Variants in NIPAL3 observed in about 807,000 individuals in gnomAD.
The protein encoded by NIPAL3 is NIPA-like protein 3.
A neutral mutation model predicts 47.2 loss-of-function variants in NIPAL3; 41 were observed. That is an observed-to-expected ratio of 0.87 (90% CI 0.68 to 1.13). The LOEUF (loss-of-function observed/expected upper bound fraction) is 1.13. Ranked by LOEUF, NIPAL3 falls within the 50% of genes most tolerant of loss-of-function variation. The pLI, the probability that NIPAL3 is intolerant of heterozygous loss-of-function variation, is 0.00. For synonymous variants in NIPAL3, 194 were observed against 209.6 expected, an observed-to-expected ratio of 0.93 and a Z score of 0.64; for missense variants, 449 against 530.1, an observed-to-expected ratio of 0.85 and a Z score of 1.50.
At chr1:24,457,278 G>A (rs993361405) in intron 8 of NIPAL3, among the ~76,000 whole-genome samples, 1 of 152,226 alleles carries the variant, frequency 6.6e-6, no homozygotes, top group Non-Finnish European at 1.5e-5. Flanking sequence ...TAAGCATGAA[G>A]TTAAATAAAA....
chr1:24,463,873 A>G (rs1570384773), intron 10 of NIPAL3, among the ~76,000 whole-genome samples, 153 bp from the exon 11 acceptor site: 1 of 152,044 alleles, frequency 6.6e-6, no homozygotes, highest in Admixed American at 6.5e-5. Context: ...ATCCCCTGAG[A>G]GGCTGGCAGC....
At chr1:24,418,622 T>C (rs878752) in intron 1 of NIPAL3, among the ~76,000 whole-genome samples, 98,742 of 152,090 alleles carry the variant, frequency 0.65, 32,126 homozygotes, top group East Asian at 0.76. Context: ...AAAGGAAAAG[T>C]TCGGGAAGCA....
In NIPAL3 at chr1:24,453,476, C is replaced by T. The variant is rs748550018; in HGVS notation, c.609C>T (p.Val203=). ...FYKEKNANNI[V]VILLLVALLG... ...AGGAGAAGAACGCCAACAACATTGT[C>T]GTGATTCTTCTCTTGGTGGCGTTAC... Residue 203 remains valine (V), a synonymous_variant, in exon 7 of 12, where the codon GTC becomes GTT. Coordinates refer to ENST00000374399, the MANE Select transcript of NIPAL3 (RefSeq NM_020448.5). 6.8e-6 allele frequency: 11 copies of T among 1,613,362 alleles called. No homozygotes were observed. The highest frequency in any genetic ancestry group is 3.3e-5 in the South Asian group (3 of 90,990).
chr1:24,431,567 T>G (rs1644879719), intron 2 of NIPAL3, among the ~76,000 whole-genome samples: 1 of 152,284 alleles, frequency 6.6e-6, no homozygotes, highest in South Asian at 2.1e-4. Flanking sequence ...TGAAATAATT[T>G]CTCTTTTAGA....
At chr1:24,425,036 G>T (rs758816826) in intron 2 of NIPAL3, among the ~76,000 whole-genome samples, 4 of 152,176 alleles carry the variant, frequency 2.6e-5, no homozygotes, top group Non-Finnish European at 5.9e-5. Context: ...GCTGGGGAGG[G>T]CACTTTGCTA....
intron 2 of NIPAL3, among the ~76,000 whole-genome samples, chr1:24,432,093 C>T (rs1416939420): frequency 1.3e-5 from 2 of 152,146 alleles, no homozygotes; most frequent in Non-Finnish European, 2.9e-5. Flanking sequence ...TGCCATTCCT[C>T]CCTTCTCTGT....
At chr1:24,442,388 A>G (rs1350198885) in intron 4 of NIPAL3, among the ~76,000 whole-genome samples, 162 bp downstream of exon 4, 1 of 152,248 alleles carries the variant, frequency 6.6e-6, no homozygotes, top group Non-Finnish European at 1.5e-5. Flanking sequence ...GTAAGTGCTT[A>G]CAGATATTAA....
chr1:24,464,077 G>A lies in NIPAL3; in HGVS notation c.978G>A (p.Lys326=), dbSNP rs1228452158. The A allele has an allele frequency of 1.2e-6, 2 of 1,613,618 alleles. No homozygotes were observed. The highest frequency in any genetic ancestry group is 2.2e-5 in the East Asian group (1 of 44,860). The change falls in exon 11 of 12, where the codon AAG becomes AAA. Residue 326 remains lysine (K), a synonymous_variant. Transcript: ENST00000374399. ...GVFLITRNRK[K]PIPFEPYISM... is the part of the protein sequence containing the mutation. ...TCTTAATCACGCGTAACAGGAAGAA[G>A]CCCATTCCATTTGAGCCCTATATTT...
intron 6 of NIPAL3, among the ~76,000 whole-genome samples, chr1:24,450,378 T>C (rs1346851799): frequency 6.6e-6 from 1 of 152,182 alleles, no homozygotes; most frequent in African/African-American, 2.4e-5. Flanking sequence ...AGAATGTTAT[T>C]TTATTTTTTT....
At chr1:24,453,950 CT>C (rs1455565055) in intron 7 of NIPAL3, 1 of 430,940 alleles carries the variant, frequency 2.3e-6, no homozygotes, top group South Asian at 1.7e-5. Flanking sequence ...TCTATTTTTT[CT>C]TTTCCTTTTA....
At chr1:24,466,143 G>C in intron 11 of NIPAL3, 3 of 1,556,360 alleles carry the variant, frequency 1.9e-6, no homozygotes, top group Non-Finnish European at 2.6e-6. Flanking sequence ...AACAGCCCCT[G>C]ACCTCCAGGA....
At chr1:24,421,339 G>A (rs978334660) in intron 2 of NIPAL3, among the ~76,000 whole-genome samples, 6 of 151,668 alleles carry the variant, frequency 4.0e-5, no homozygotes, top group Admixed American at 3.9e-4. Context: ...GTGAGAGAGT[G>A]AGACCCCACC....
chr1:24,427,370 A>G (rs190127269), intron 2 of NIPAL3, among the ~76,000 whole-genome samples: 1 of 152,328 alleles, frequency 6.6e-6, no homozygotes, highest in East Asian at 1.9e-4. Flanking sequence ...TCATCACTTC[A>G]CAAGGGTTTG....
At chr1:24,432,699 T>TA (rs1644930230) in intron 2 of NIPAL3, among the ~76,000 whole-genome samples, 1 of 152,220 alleles carries the variant, frequency 6.6e-6, no homozygotes, top group African/African-American at 2.4e-5. Flanking sequence ...AATTAGATGA[T>TA]AATAGTACCT....
intron 1 of NIPAL3, 89 bp downstream of exon 1, chr1:24,415,993 G>C (rs1470360057): frequency 1.0e-5 from 10 of 985,288 alleles, no homozygotes; most frequent in South Asian, 4.7e-5. Context: ...ACGTCCCCTA[G>C]TGTACATACC....
At chr1:24,443,801 C>T (rs112696494) in intron 4 of NIPAL3, among the ~76,000 whole-genome samples, 4 of 152,232 alleles carry the variant, frequency 2.6e-5, no homozygotes, top group African/African-American at 9.6e-5. Context: ...TCAGCCTTTC[C>T]CTGTTGTCTT....
At chr1:24,459,322 C>T (rs929615075) in intron 9 of NIPAL3, among the ~76,000 whole-genome samples, 1 of 152,176 alleles carries the variant, frequency 6.6e-6, no homozygotes, top group Non-Finnish European at 1.5e-5. Flanking sequence ...CTCCACAACC[C>T]CCACTGGCTA....
At chr1:24,446,732 A>G (rs1645687780) in intron 5 of NIPAL3, among the ~76,000 whole-genome samples, 3 of 152,112 alleles carry the variant, frequency 2.0e-5, no homozygotes. Context: ...CAGTGAACAT[A>G]TGTGCACATG....
chr1:24,432,769 T>C lies in NIPAL3; in HGVS notation c.94-7403T>C, dbSNP rs551337064. ...AATACGTTTAAAGTACTTAGAGTAA[T>C]ACTTGGCACATAGTAAGTGCTTGAT... On this transcript the variant is annotated intron_variant, in intron 2 of 11. Transcript: ENST00000374399. Among the ~76,000 whole-genome samples the C allele has an allele frequency of 9.8e-5, 15 of 152,362 alleles. No individual in the cohort carries two copies. In the South Asian group the frequency reaches 2.9e-3, roughly 29 times the overall value.
Sources: allele counts gnomAD v4.1 joint callset (sites outside exome capture counted in the v4.1 genomes callset), GRCh38; gene constraint gnomAD v4.1.1; transcripts MANE v1.5; gene names NCBI Gene and HGNC (gene_info 2026-07-23, HGNC 2026-07-21).